FANCC: variants seen among roughly 807,000 people sequenced by gnomAD.
FANCC encodes the protein Fanconi anemia group C protein.
A neutral mutation model predicts 71.3 loss-of-function variants in FANCC; 55 were observed. The observed-to-expected ratio is 0.77, with a 90% CI of 0.62 to 0.97. The LOEUF (loss-of-function observed/expected upper bound fraction) is 0.97, where lower values mean the gene tolerates loss of function less well. Among genes scored for constraint, FANCC ranks in the 50% least tolerant of loss-of-function variants. The probability of loss-of-function intolerance (pLI) is 0.00; values close to 1 mark genes in which losing one functional copy is unlikely to be tolerated. For missense variants in FANCC, 678 were observed against 670.9 expected, an observed-to-expected ratio of 1.01 and a Z score of -0.12; for synonymous variants, 275 against 244.9, an observed-to-expected ratio of 1.12 and a Z score of -1.15.
In FANCC at chr9:95,317,681, C is replaced by G. The variant is rs2136457760; in HGVS notation, c.-234G>C. ...GCGGTCGCCCGGCAGTGGAGCCGCGCGCGCGCACACGTGTCAGCAGTGCAT... is the reference window on the plus strand; with the variant it reads ...GCGGTCGCCCGGCAGTGGAGCCGCGGGCGCGCACACGTGTCAGCAGTGCAT... On this transcript the variant is annotated 5_prime_UTR_variant, in exon 1 of 15. Coordinates refer to ENST00000289081, the MANE Select transcript of FANCC (RefSeq NM_000136.3). 6.6e-6 allele frequency: 1 copy of G among 152,376 alleles called. No individual in the cohort carries two copies. The highest frequency in any genetic ancestry group is 2.4e-5 in the African/African-American group (1 of 41,592). 9.4% of individuals were successfully genotyped at this position (152,376 alleles called of 1,614,324 possible). A position where few individuals can be genotyped will look rare whatever the true frequency, so the allele number is the denominator to read the frequency against.
intron 4 of FANCC, among the ~76,000 whole-genome samples, chr9:95,176,570 A>C (rs1230286259): frequency 1.3e-5 from 2 of 152,220 alleles, no homozygotes; most frequent in Non-Finnish European, 2.9e-5. Context: ...ACAATTTACC[A>C]AGTGCTTACA....
At chr9:95,245,547 T>A (rs1031162210) in intron 3 of FANCC, among the ~76,000 whole-genome samples, 2 of 151,554 alleles carry the variant, frequency 1.3e-5, no homozygotes, top group Non-Finnish European at 2.9e-5. Flanking sequence ...TATAGTGTAA[T>A]AGAAGTTATG....
At chr9:95,169,471 C>T (rs768762627) in intron 6 of FANCC, among the ~76,000 whole-genome samples, 6 of 152,088 alleles carry the variant, frequency 3.9e-5, no homozygotes, top group Non-Finnish European at 8.8e-5. Context: ...ATCAGTGCTC[C>T]CGGTCAGTAG....
chr9:95,269,966 T>C (rs1394908538), intron 1 of FANCC, among the ~76,000 whole-genome samples: 1 of 152,196 alleles, frequency 6.6e-6, no homozygotes, highest in Non-Finnish European at 1.5e-5. Context: ...CCTTCAAGCA[T>C]CTGTTTAACA....
At chr9:95,287,330 C>G (rs961125023) in intron 1 of FANCC, among the ~76,000 whole-genome samples, 10 of 152,076 alleles carry the variant, frequency 6.6e-5, no homozygotes, top group African/African-American at 2.4e-4. Flanking sequence ...TTTCAACAAC[C>G]TCAACCTAAA....
chr9:95,275,283 C>CA (rs1016448967), intron 1 of FANCC, among the ~76,000 whole-genome samples: 10 of 151,488 alleles, frequency 6.6e-5, no homozygotes, highest in African/African-American at 1.9e-4. Flanking sequence ...GAACCTATCT[C>CA]AAAAAAATAA....
chr9:95,116,510 G>A (rs114579059), intron 11 of FANCC, among the ~76,000 whole-genome samples: 195 of 152,292 alleles, frequency 1.3e-3, no homozygotes, highest in African/African-American at 4.4e-3. Flanking sequence ...TCAGAAAAAA[G>A]GCAGGCCCAA....
Position 95,249,122 on chromosome 9 carries a change from C to A in FANCC, c.165+5G>T, listed in dbSNP as rs752779041. ...ATAATTTCATTATTCTGGTCCACTA[C>A]TTACCATCTCTTTCAAGGCTTCATA... On this transcript the variant is annotated splice_donor_5th_base_variant and intron_variant, in intron 2 of 14. Coordinates refer to ENST00000289081, the MANE Select transcript of FANCC (RefSeq NM_000136.3). 2 of 1,613,610 alleles carry A rather than the reference C, an allele frequency of 1.2e-6. No individual in the cohort carries two copies. The highest frequency in any genetic ancestry group is 2.7e-5 in the African/African-American group (2 of 74,918).
At chr9:95,206,255 G>A (rs1292230664) in intron 4 of FANCC, among the ~76,000 whole-genome samples, 1 of 152,140 alleles carries the variant, frequency 6.6e-6, no homozygotes, top group East Asian at 1.9e-4. Context: ...AAAAGCCTGT[G>A]GAATGCTGTT....
chr9:95,181,591 A>G (rs551221999), intron 4 of FANCC, among the ~76,000 whole-genome samples: 4 of 152,216 alleles, frequency 2.6e-5, no homozygotes, highest in Non-Finnish European at 2.9e-5. Flanking sequence ...TAACTCCCTC[A>G]GTTTACTAAT....
In FANCC at chr9:95,135,499, C is replaced by T. The variant is rs199744457; in HGVS notation, c.690G>A (p.Lys230=). 1.9e-6 allele frequency: 3 copies of T among 1,613,774 alleles called. No homozygotes were observed. The East Asian group carries it at 6.7e-5, about 36-fold the overall frequency. Residue 230 remains lysine (K), a synonymous_variant, in exon 8 of 15, where the codon AAG becomes AAA. Coordinates refer to ENST00000289081, the MANE Select transcript of FANCC (RefSeq NM_000136.3). ...FEAVNEAILL[K]KISLPMSAVV... is the part of the protein sequence containing the mutation. ...CAGCTGACATGGGGAGAGAAATCTT[C>T]TTCCTTTCAGAAAGAAATAAACAAA...
intron 6 of FANCC, among the ~76,000 whole-genome samples, chr9:95,170,642 G>GTGTGTGTC (rs1396098513): frequency 1.0e-4 from 14 of 134,998 alleles, no homozygotes; most frequent in African/African-American, 3.2e-4. Flanking sequence ...AATATCGTGT[G>GTGTGTGTC]TGTGTGTGTG....
At chr9:95,186,197 T>C (rs1408786573) in intron 4 of FANCC, among the ~76,000 whole-genome samples, 1 of 152,208 alleles carries the variant, frequency 6.6e-6, no homozygotes, top group East Asian at 1.9e-4. Context: ...CTGGTGTTGA[T>C]AAACTACATA....
intron 8 of FANCC, among the ~76,000 whole-genome samples, chr9:95,132,716 C>CTAG (rs201507351): frequency 0.011 from 1,603 of 152,256 alleles, 16 homozygotes; most frequent in Non-Finnish European, 0.018. Flanking sequence ...ATTTGGAACT[C>CTAG]AGGTAATAAG....
In FANCC at chr9:95,103,963, G is replaced by A. The variant is rs57312263; in HGVS notation, c.1534-2113C>T. ...CCAAATCTGGATGCCAAGATAGAGG[G>A]CAGAGCCTGGGACCAGCTGGGAGGT... On this transcript the variant is annotated intron_variant, in intron 14 of 14. Coordinates refer to ENST00000289081, the MANE Select transcript of FANCC (RefSeq NM_000136.3). Among the ~76,000 whole-genome samples the A allele has an allele frequency of 3.1e-3, 471 of 152,302 alleles. 2 individuals are homozygous for A. The highest frequency in any genetic ancestry group is 0.011 in the African/African-American group (458 of 41,568).
intron 7 of FANCC, among the ~76,000 whole-genome samples, chr9:95,144,906 T>C (rs1199877346): frequency 6.6e-6 from 1 of 152,132 alleles, no homozygotes; most frequent in African/African-American, 2.4e-5. Flanking sequence ...GGACCAAACA[T>C]AACGCTCGGA....
intron 7 of FANCC, among the ~76,000 whole-genome samples, chr9:95,148,705 T>C (rs1490848719): frequency 6.6e-6 from 1 of 152,220 alleles, no homozygotes; most frequent in Non-Finnish European, 1.5e-5. Flanking sequence ...CCATGCATAA[T>C]GCTACAAAAT....
At chr9:95,110,617 A>G (rs2071839956) in intron 13 of FANCC, 1 of 1,040,542 alleles carries the variant, frequency 9.6e-7, no homozygotes, top group South Asian at 4.6e-5. Flanking sequence ...GCAAGCCTTT[A>G]AACAAAATAC....
intron 3 of FANCC, 78 bp downstream of exon 3, chr9:95,247,354 G>A: frequency 9.6e-7 from 1 of 1,040,034 alleles, no homozygotes; most frequent in Non-Finnish European, 1.5e-6. Context: ...CTAGGAGAAA[G>A]GTTCATAATG....
Sources: allele counts gnomAD v4.1 joint callset (sites outside exome capture counted in the v4.1 genomes callset), GRCh38; gene constraint gnomAD v4.1.1; transcripts MANE v1.5; gene names NCBI Gene and HGNC (gene_info 2026-07-23, HGNC 2026-07-21).